The following RGS6 variants were observed in gnomAD, a reference collection of about 807,000 sequenced individuals.
RGS6 encodes regulator of G-protein signaling 6.
Under a neutral mutation model 78.5 loss-of-function variants are expected in RGS6, and 30 were observed. The observed-to-expected ratio is 0.38, with a 90% CI of 0.29 to 0.52. RGS6 has a LOEUF of 0.52. Among genes scored for constraint, RGS6 ranks in the 20% least tolerant of loss-of-function variants. The pLI is 0.85. For missense variants in RGS6, 495 were observed against 609.7 expected (o/e 0.81, Z 1.98); for synonymous variants, 206 against 206.0 (o/e 1.00, Z 0.00).
chr14:72,098,642 A>G (rs2095462496), intron 2 of RGS6, among the ~76,000 whole-genome samples: 1 of 152,256 alleles, frequency 6.6e-6, no homozygotes, highest in Non-Finnish European at 1.5e-5. Flanking sequence ...ATAAAAATAC[A>G]GAGTTCCAGT....
intron 1 of RGS6, among the ~76,000 whole-genome samples, chr14:71,964,223 G>A (rs573886779): frequency 5.3e-5 from 8 of 152,164 alleles, no homozygotes; most frequent in South Asian, 2.1e-4. Context: ...TAAGACTGCC[G>A]TGGCTGGGTG....
intron 15 of RGS6, among the ~76,000 whole-genome samples, chr14:72,527,222 C>T (rs2097130399): frequency 6.6e-6 from 1 of 152,186 alleles, no homozygotes; most frequent in Admixed American, 6.5e-5. Context: ...AAGCAGTGGC[C>T]ACACCTTCTA....
chr14:72,135,909 G>C (rs760161705), intron 2 of RGS6, among the ~76,000 whole-genome samples: 1 of 152,054 alleles, frequency 6.6e-6, no homozygotes, highest in Non-Finnish European at 1.5e-5. Flanking sequence ...AGGAGGAGGA[G>C]GGGGAGGAAA....
intron 7 of RGS6, among the ~76,000 whole-genome samples, chr14:72,466,361 A>T (rs1365859320): frequency 6.6e-6 from 1 of 152,218 alleles, no homozygotes; most frequent in Non-Finnish European, 1.5e-5. Context: ...TTACCATATA[A>T]CCAAGCAATC....
chr14:72,178,175 T>G (rs1567390694), intron 2 of RGS6, among the ~76,000 whole-genome samples: 1 of 152,228 alleles, frequency 6.6e-6, no homozygotes, highest in Non-Finnish European at 1.5e-5. Flanking sequence ...ACTTACAGAT[T>G]AACTCCAGTT....
the RGS6 span, among the ~76,000 whole-genome samples, chr14:72,611,674 C>T: frequency 6.6e-6 from 1 of 152,178 alleles, no homozygotes; most frequent in Non-Finnish European, 1.5e-5. Context: ...ACACTCCAGG[C>T]CAGGTGACTT....
rs144545724 is a variant in RGS6 at position 72,181,988 on chromosome 14, G to A, written c.85-170107G>A. Among the ~76,000 whole-genome samples the A allele has an allele frequency of 4.4e-3, 673 of 152,276 alleles. 4 individuals carry two copies. The highest frequency in any genetic ancestry group is 0.016 in the African/African-American group (653 of 41,556). ...AAGGAAAGGAACATTACTTAGATTT[G>A]TTGCTGTCCACTCCTTGTTTTTCAT... On this transcript the variant is annotated intron_variant, in intron 2 of 17. Coordinates refer to ENST00000553525, the MANE Select transcript of RGS6 (RefSeq NM_001204424.2).
chr14:72,573,845 A>G, the RGS6 span, among the ~76,000 whole-genome samples: 2 of 152,146 alleles, frequency 1.3e-5, no homozygotes, highest in African/African-American at 2.4e-5. Context: ...ATACACACAC[A>G]TGCACGTGCA....
chr14:72,148,256 G>T (rs546970764), intron 2 of RGS6, among the ~76,000 whole-genome samples: 1 of 151,884 alleles, frequency 6.6e-6, no homozygotes, highest in Non-Finnish European at 1.5e-5. Flanking sequence ...AATTATTTGG[G>T]TATGGTGATG....
At chr14:72,575,213 G>T in the RGS6 span, among the ~76,000 whole-genome samples, 2 of 152,106 alleles carry the variant, frequency 1.3e-5, no homozygotes, top group African/African-American at 4.8e-5. Context: ...GAAGTATCTG[G>T]GGTGTGCCAT....
chr14:72,329,708 T>C (rs951820259), intron 2 of RGS6, among the ~76,000 whole-genome samples: 1 of 152,202 alleles, frequency 6.6e-6, no homozygotes, highest in African/African-American at 2.4e-5. Flanking sequence ...AAGCACTCTT[T>C]GCGTAGGGTG....
chr14:71,988,221 G>A (rs974645070), intron 2 of RGS6, among the ~76,000 whole-genome samples: 2 of 152,154 alleles, frequency 1.3e-5, no homozygotes, highest in Admixed American at 1.3e-4. Context: ...CAGGGGGTGA[G>A]CATTTTCTTT....
intron 2 of RGS6, among the ~76,000 whole-genome samples, chr14:72,271,226 G>A (rs1172881329): frequency 1.3e-5 from 2 of 152,170 alleles, no homozygotes; most frequent in Non-Finnish European, 2.9e-5. Flanking sequence ...AGGTTTAATG[G>A]ACTCTCAGTT....
intron 2 of RGS6, among the ~76,000 whole-genome samples, chr14:72,261,140 A>C (rs1167339144): frequency 6.6e-6 from 1 of 152,122 alleles, no homozygotes; most frequent in African/African-American, 2.4e-5. Flanking sequence ...CCTCTGAAGA[A>C]CCTACAAATG....
the RGS6 span, among the ~76,000 whole-genome samples, chr14:71,892,308 G>A: frequency 3.3e-4 from 50 of 152,194 alleles, no homozygotes; most frequent in Non-Finnish European, 1.0e-4. Context: ...GCCACCAGTA[G>A]GTAGGCCTCC....
At chr14:72,393,388 A>AT (rs1374869116) in intron 3 of RGS6, among the ~76,000 whole-genome samples, 1 of 152,146 alleles carries the variant, frequency 6.6e-6, no homozygotes, top group Non-Finnish European at 1.5e-5. Flanking sequence ...CTGCCCAGAG[A>AT]TTTTTAGGGT....
rs563310690 is a variant in RGS6, at chr14:72,327,059, C to T, written c.85-25036C>T. On this transcript the variant is annotated intron_variant, in intron 2 of 17. Coordinates refer to ENST00000553525, the MANE Select transcript of RGS6 (RefSeq NM_001204424.2). ...TGGCCTAACACGTATACATTAGAAC[C>T]TGATTACAGTAGATGCCTCTTGGGA... Among the ~76,000 whole-genome samples the T allele has an allele frequency of 2.7e-3, 409 of 152,290 alleles. 1 individual carries two copies. Among genetic ancestry groups the T allele is most frequent in the Non-Finnish European group, 4.5e-3 (304 of 68,012 alleles).
At chr14:72,616,943 A>T in the RGS6 span, among the ~76,000 whole-genome samples, 6 of 152,102 alleles carry the variant, frequency 3.9e-5, no homozygotes, top group Admixed American at 3.9e-4. Context: ...GAGGCCTCCA[A>T]AGATGAAGAA....
chr14:72,514,236 G>T (rs2096913221), intron 14 of RGS6, among the ~76,000 whole-genome samples: 1 of 152,168 alleles, frequency 6.6e-6, no homozygotes, highest in South Asian at 2.1e-4. Flanking sequence ...TGGTTGACCA[G>T]CAGAGGGCAT....
Sources: gnomAD v4.1 joint callset for allele counts (sites outside exome capture counted in the v4.1 genomes callset) on GRCh38, gnomAD v4.1.1 for gene constraint, MANE v1.5 for transcripts, NCBI Gene and HGNC (gene_info 2026-07-23, HGNC 2026-07-21) for gene names.